Variants in GPD2 observed in about 807,000 individuals in gnomAD.
The protein encoded by GPD2 is glycerol-3-phosphate dehydrogenase 2.
Under a neutral mutation model 82.4 loss-of-function variants are expected in GPD2, and 54 were observed. The observed-to-expected ratio is 0.66, with a 90% CI of 0.53 to 0.82. GPD2 has a LOEUF of 0.82. Among genes scored for constraint, GPD2 ranks in the 40% least tolerant of loss-of-function variants. The pLI is 0.00. For synonymous variants in GPD2, 288 were observed against 306.1 expected, an observed-to-expected ratio of 0.94 and a Z score of 0.62; for missense variants, 748 against 896.2, an observed-to-expected ratio of 0.83 and a Z score of 2.11.
chr2:156,484,199 A>G (rs917838429), intron 2 of GPD2, among the ~76,000 whole-genome samples: 4 of 151,652 alleles, frequency 2.6e-5, no homozygotes, highest in African/African-American at 9.7e-5. Flanking sequence ...CAGTGGCGGG[A>G]TCTCGGCTCA....
chr2:156,542,110 T>A (rs1686345248), intron 6 of GPD2, among the ~76,000 whole-genome samples: 1 of 152,108 alleles, frequency 6.6e-6, no homozygotes, highest in African/African-American at 2.4e-5. Context: ...TGTACTTAAA[T>A]ATATCATGTT....
intron 1 of GPD2, among the ~76,000 whole-genome samples, chr2:156,446,772 C>T (rs1019992358): frequency 1.3e-5 from 2 of 152,132 alleles, no homozygotes; most frequent in Non-Finnish European, 2.9e-5. Flanking sequence ...CCATGTTGGC[C>T]AGGCTGGTCT....
chr2:156,459,923 G>A (rs1218958074), intron 1 of GPD2, among the ~76,000 whole-genome samples: 1 of 152,022 alleles, frequency 6.6e-6, no homozygotes, highest in African/African-American at 2.4e-5. Context: ...GACTGAAGGA[G>A]TAAGCTCAAG....
chr2:156,546,722 C>T (rs567807065), intron 6 of GPD2, among the ~76,000 whole-genome samples: 20 of 152,200 alleles, frequency 1.3e-4, no homozygotes, highest in African/African-American at 3.9e-4. Flanking sequence ...GGATAAGTCC[C>T]GAGGGAATCA....
In GPD2 at chr2:156,513,510, T is replaced by G. The variant is rs762821194; in HGVS notation, c.661+14T>G. On this transcript the variant is annotated intron_variant, in intron 6 of 16. Coordinates refer to ENST00000438166, the MANE Select transcript of GPD2 (RefSeq NM_000408.5). ...TCTACTATGACGGTATGTGATGTTTTTTTTTTTTTTCCTCACAAGATACTT... is the reference window on the plus strand; with the variant it reads ...TCTACTATGACGGTATGTGATGTTTGTTTTTTTTTTCCTCACAAGATACTT... The G allele has an allele frequency of 6.2e-7, 1 of 1,603,792 alleles. No individual in the cohort carries two copies. Among genetic ancestry groups the G allele is most frequent in the South Asian group, 1.1e-5 (1 of 90,838 alleles).
chr2:156,548,657 G>C (rs1485843815), intron 6 of GPD2, among the ~76,000 whole-genome samples: 1 of 152,092 alleles, frequency 6.6e-6, no homozygotes, highest in Non-Finnish European at 1.5e-5. Flanking sequence ...TAAATGTTTG[G>C]TATGCTGGCA....
chr2:156,534,526 G>A (rs997551097), intron 6 of GPD2, among the ~76,000 whole-genome samples: 7 of 152,118 alleles, frequency 4.6e-5, no homozygotes, highest in Non-Finnish European at 8.8e-5. Context: ...TCAATACTCT[G>A]TAAGATTTTC....
chr2:156,506,043 A>G (rs1684776565), intron 3 of GPD2, among the ~76,000 whole-genome samples: 1 of 152,232 alleles, frequency 6.6e-6, no homozygotes, highest in Admixed American at 6.5e-5. Flanking sequence ...GTTAAGAAAT[A>G]GTTGAGTTGC....
chr2:156,457,490 A>T lies in GPD2; in HGVS notation c.-8-18608A>T, dbSNP rs544102674. Among the ~76,000 whole-genome samples the T allele has an allele frequency of 3.3e-5, 5 of 152,352 alleles. No homozygotes were observed. The East Asian group carries it at 9.6e-4, about 29-fold the overall frequency. Reference sequence around the variant, plus strand: ...AGATCTGCATTAGATGTTGGGCTTGATATGGGTTTATTTTTGATAGAACAC... The same window carrying T: ...AGATCTGCATTAGATGTTGGGCTTGTTATGGGTTTATTTTTGATAGAACAC... On this transcript the variant is annotated intron_variant, in intron 1 of 16. Coordinates refer to ENST00000438166, the MANE Select transcript of GPD2 (RefSeq NM_000408.5).
intron 6 of GPD2, among the ~76,000 whole-genome samples, chr2:156,523,822 G>T (rs768697006): frequency 6.6e-6 from 1 of 152,084 alleles, no homozygotes; most frequent in Non-Finnish European, 1.5e-5. Flanking sequence ...GGGATTCCAG[G>T]CATAAGCCAC....
chr2:156,532,496 T>C (rs1007325964), intron 6 of GPD2, among the ~76,000 whole-genome samples: 1 of 152,204 alleles, frequency 6.6e-6, no homozygotes, highest in Non-Finnish European at 1.5e-5. Context: ...TTTTCCTTGT[T>C]ACCTGCACTT....
chr2:156,570,667 CCA>C (rs1210584543), intron 12 of GPD2, among the ~76,000 whole-genome samples: 10 of 152,120 alleles, frequency 6.6e-5, no homozygotes, highest in Admixed American at 6.6e-4. Context: ...ATATCGATGT[CCA>C]GTGAACATTT....
At chr2:156,543,878 A>T (rs1388408810) in intron 6 of GPD2, among the ~76,000 whole-genome samples, 1 of 152,166 alleles carries the variant, frequency 6.6e-6, no homozygotes, top group African/African-American at 2.4e-5. Context: ...CTGTGGCACA[A>T]ACAAATCACC....
chr2:156,461,624 C>A (rs1035580094), intron 1 of GPD2, among the ~76,000 whole-genome samples: 1 of 152,222 alleles, frequency 6.6e-6, no homozygotes, highest in Non-Finnish European at 1.5e-5. Context: ...AAGCGATCCT[C>A]CCACCTTGGC....
At chr2:156,568,990 C>CTTTTTTTTTT in intron 10 of GPD2, 31 bp downstream of exon 10, 3 of 1,253,294 alleles carry the variant, frequency 2.4e-6, no homozygotes, top group Admixed American at 2.2e-5. Flanking sequence ...ATTTTCTTTT[C>CTTTTTTTTTT]TTTTTTTTTT....
intron 2 of GPD2, among the ~76,000 whole-genome samples, chr2:156,484,944 C>G (rs1369673057): frequency 1.3e-5 from 2 of 152,184 alleles, no homozygotes; most frequent in Non-Finnish European, 2.9e-5. Flanking sequence ...CCTCTGCTTA[C>G]CACTATTTTA....
intron 2 of GPD2, among the ~76,000 whole-genome samples, chr2:156,479,238 A>G (rs902390659): frequency 2.6e-5 from 4 of 152,258 alleles, no homozygotes; most frequent in Non-Finnish European, 4.4e-5. Flanking sequence ...TTAATTAAAC[A>G]TAAGACAGAT....
At chr2:156,579,581 C>G (rs1687955246) in intron 15 of GPD2, 109 bp from the exon 16 acceptor site, 4 of 697,284 alleles carry the variant, frequency 5.7e-6, no homozygotes, top group Non-Finnish European at 2.7e-6. Context: ...ATCTGCCTGC[C>G]TTGGCCTCCC....
At chr2:156,536,898 G>C (rs538228250) in intron 6 of GPD2, among the ~76,000 whole-genome samples, 1 of 152,304 alleles carries the variant, frequency 6.6e-6, no homozygotes, top group South Asian at 2.1e-4. Context: ...AGGATTCTGT[G>C]GGAAGAGGAG....
Sources: allele counts gnomAD v4.1 joint callset (sites outside exome capture counted in the v4.1 genomes callset), GRCh38; gene constraint gnomAD v4.1.1; transcripts MANE v1.5; gene names NCBI Gene and HGNC (gene_info 2026-07-23, HGNC 2026-07-21).